ARB2A: variants seen among roughly 807,000 people sequenced by gnomAD.
ARB2A encodes the protein ARB2 cotranscriptional regulator A, also known as cotranscriptional regulator ARB2A.
At chr5:94,089,367 C>T in the ARB2A span, among the ~76,000 whole-genome samples, 1 of 152,092 alleles carries the variant, frequency 6.6e-6, no homozygotes, top group South Asian at 2.1e-4. Flanking sequence ...AAGGCCTATG[C>T]TTAACTTTAA....
chr5:93,791,381 TAA>T, the ARB2A span, among the ~76,000 whole-genome samples: 1 of 152,260 alleles, frequency 6.6e-6, no homozygotes, highest in Non-Finnish European at 1.5e-5. Context: ...GTAAGGCTTA[TAA>T]AGTTTCCTTC....
the ARB2A span, among the ~76,000 whole-genome samples, chr5:93,984,549 T>C: frequency 3.3e-5 from 5 of 152,306 alleles, no homozygotes; most frequent in African/African-American, 9.6e-5. Flanking sequence ...ATCCCCTATA[T>C]AAAATTATCT....
chr5:93,818,044 T>C, the ARB2A span, among the ~76,000 whole-genome samples: 1 of 150,704 alleles, frequency 6.6e-6, no homozygotes, highest in East Asian at 1.9e-4. Flanking sequence ...AGTAGACATT[T>C]CTCCAAAAAA....
chr5:93,814,357 A>T, the ARB2A span, among the ~76,000 whole-genome samples: 2 of 152,228 alleles, frequency 1.3e-5, no homozygotes, highest in Non-Finnish European at 2.9e-5. Flanking sequence ...GGTTGCATCA[A>T]GCAAAAGATA....
chr5:93,633,103 T>C, the ARB2A span, among the ~76,000 whole-genome samples: 1 of 152,230 alleles, frequency 6.6e-6, no homozygotes, highest in East Asian at 1.9e-4. Flanking sequence ...TTAGCTACTC[T>C]ACCTCACAGC....
At chr5:93,919,895 C>G in the ARB2A span, among the ~76,000 whole-genome samples, 1 of 152,096 alleles carries the variant, frequency 6.6e-6, no homozygotes, top group African/African-American at 2.4e-5. Context: ...AGGTACAAGG[C>G]TTGTATTGAA....
chr5:94,027,238 C>T, the ARB2A span, among the ~76,000 whole-genome samples: 1 of 152,164 alleles, frequency 6.6e-6, no homozygotes, highest in South Asian at 2.1e-4. Flanking sequence ...GGTCTTCAAC[C>T]ATGGTATACA....
the ARB2A span, among the ~76,000 whole-genome samples, chr5:93,971,383 C>T: frequency 5.9e-5 from 9 of 151,944 alleles, no homozygotes; most frequent in East Asian, 1.9e-4. Flanking sequence ...GCCTGGCCAA[C>T]GTGGCAAAAC....
the ARB2A span, among the ~76,000 whole-genome samples, chr5:93,724,904 C>G: frequency 6.6e-6 from 1 of 151,954 alleles, no homozygotes; most frequent in Non-Finnish European, 1.5e-5. Flanking sequence ...ATTATGTGAA[C>G]ACAAACACTA....
chr5:93,943,388 T>A, the ARB2A span, among the ~76,000 whole-genome samples: 4 of 152,134 alleles, frequency 2.6e-5, no homozygotes, highest in African/African-American at 9.6e-5. Context: ...GTAAGTCATT[T>A]GAACAAAGGT....
the ARB2A span, among the ~76,000 whole-genome samples, chr5:94,032,700 T>C: frequency 1.3e-5 from 2 of 152,124 alleles, no homozygotes; most frequent in African/African-American, 4.8e-5. Context: ...AGAGAGCCCA[T>C]CCCTCACCTT....
At chr5:94,106,887 A>AAAAAAC in the ARB2A span, among the ~76,000 whole-genome samples, 1 of 151,046 alleles carries the variant, frequency 6.6e-6, no homozygotes, top group African/African-American at 2.4e-5. Context: ...AAAAAAAAAA[A>AAAAAAC]AAAAACAAAT....
At chr5:93,722,589 A>G in the ARB2A span, among the ~76,000 whole-genome samples, 2 of 152,118 alleles carry the variant, frequency 1.3e-5, no homozygotes, top group Admixed American at 6.6e-5. Context: ...ACAACATTAC[A>G]TATATTACTT....
the ARB2A span, chr5:93,805,099 G>T: frequency 1.0e-6 from 1 of 971,178 alleles, no homozygotes; most frequent in Non-Finnish European, 1.2e-6. Flanking sequence ...TTACCATGGT[G>T]TTATTAGAAA....
At chr5:93,879,991 G>A in the ARB2A span, among the ~76,000 whole-genome samples, 1 of 151,748 alleles carries the variant, frequency 6.6e-6, no homozygotes, top group Admixed American at 6.6e-5. Flanking sequence ...ATAGAAGGAA[G>A]CTTAGTACAA....
At chr5:93,881,477 T>C in the ARB2A span, 8 of 1,608,970 alleles carry the variant, frequency 5.0e-6, no homozygotes, top group Non-Finnish European at 6.8e-6. Context: ...CACTCTGATA[T>C]ACAATTGCAT....
At chr5:93,737,749 C>T in the ARB2A span, 102 of 319,040 alleles carry the variant, frequency 3.2e-4, no homozygotes, top group South Asian at 2.3e-3. Context: ...AGAACATCTC[C>T]TCAACAAATG....
At chr5:93,828,774 A>C in the ARB2A span, among the ~76,000 whole-genome samples, 1 of 152,016 alleles carries the variant, frequency 6.6e-6, no homozygotes, top group Non-Finnish European at 1.5e-5. Flanking sequence ...TCAAACTCCT[A>C]TATCTATTTT....
At chr5:93,714,135 T>G in the ARB2A span, among the ~76,000 whole-genome samples, 1 of 152,152 alleles carries the variant, frequency 6.6e-6, no homozygotes, top group African/African-American at 2.4e-5. Flanking sequence ...TAACATGCAG[T>G]TTCATATCAT....
Sources: allele counts gnomAD v4.1 joint callset (sites outside exome capture counted in the v4.1 genomes callset), GRCh38; gene constraint gnomAD v4.1.1; transcripts MANE v1.5; gene names NCBI Gene and HGNC (gene_info 2026-07-23, HGNC 2026-07-21).